Variants in NRXN3 observed in about 807,000 individuals in gnomAD.
NRXN3 encodes the protein neurexin III.
Under a neutral mutation model 137.6 loss-of-function variants are expected in NRXN3, and 32 were observed. That is an observed-to-expected ratio of 0.23 (90% confidence interval 0.18 to 0.31). NRXN3 has a LOEUF of 0.31. Ranked by LOEUF, NRXN3 falls within the 10% of genes least tolerant of loss-of-function variation. The pLI is 1.00. For synonymous variants in NRXN3, 798 were observed against 784.5 expected, an observed-to-expected ratio of 1.02 and a Z score of -0.29; for missense variants, 1,574 against 2,062.5, an observed-to-expected ratio of 0.76 and a Z score of 4.59.
chr14:79,121,329 A>T (rs137916178), intron 15 of NRXN3, among the ~76,000 whole-genome samples: 15 of 152,338 alleles, frequency 9.8e-5, no homozygotes, highest in South Asian at 4.1e-4. Flanking sequence ...GAATCAAGAA[A>T]GCCATATGCT....
At chr14:79,464,799 A>G (rs1180298252) in intron 15 of NRXN3, among the ~76,000 whole-genome samples, 10 of 152,198 alleles carry the variant, frequency 6.6e-5, no homozygotes, top group African/African-American at 2.4e-5. Context: ...AAGTGGTACT[A>G]TTTAAATCAG....
intron 4 of NRXN3, among the ~76,000 whole-genome samples, chr14:78,395,617 C>G (rs1384167750): frequency 1.3e-5 from 2 of 151,802 alleles, no homozygotes; most frequent in Non-Finnish European, 2.9e-5. Context: ...GGTGTGAAGT[C>G]TAAAACTCTA....
chr14:79,214,876 A>G (rs1232623161), intron 15 of NRXN3, among the ~76,000 whole-genome samples: 1 of 152,142 alleles, frequency 6.6e-6, no homozygotes, highest in African/African-American at 2.4e-5. Context: ...TTCCATTAAC[A>G]TTCAATCTTT....
chr14:79,344,829 T>C (rs780516247), intron 15 of NRXN3, among the ~76,000 whole-genome samples: 2 of 152,180 alleles, frequency 1.3e-5, no homozygotes, highest in Non-Finnish European at 2.9e-5. Flanking sequence ...TTTGGCAAAA[T>C]GGTGAAAGAA....
At position 79,544,724 on chromosome 14, in the gene NRXN3, G is replaced by A. The variant is rs117007167; in HGVS notation, c.3444+77322G>A. The stretch of plus-strand genomic sequence containing the variant: ...CTAGATCACTCTCCCAAGAATCATT[G>A]CTTAGATGAGTGGTTCTCAAAGTGT... On this transcript the variant is annotated intron_variant, in intron 16 of 20. Transcript: ENST00000335750. Among the ~76,000 whole-genome samples the A allele has an allele frequency of 2.0e-3, 306 of 152,320 alleles. 1 individual carries two copies. The highest frequency in any genetic ancestry group is 3.1e-3 in the Admixed American group (47 of 15,290).
intron 4 of NRXN3, among the ~76,000 whole-genome samples, chr14:78,639,016 G>A (rs1445724931): frequency 6.6e-6 from 1 of 152,186 alleles, no homozygotes; most frequent in Non-Finnish European, 1.5e-5. Flanking sequence ...GTGAGTTCAC[G>A]ACTTGAGAAC....
chr14:78,363,610 T>G (rs1433367632), intron 4 of NRXN3, among the ~76,000 whole-genome samples: 1 of 152,166 alleles, frequency 6.6e-6, no homozygotes, highest in East Asian at 1.9e-4. Flanking sequence ...CCAAACCCAT[T>G]GCAGTGCTCC....
At chr14:79,403,011 G>C (rs2095242521) in intron 15 of NRXN3, among the ~76,000 whole-genome samples, 1 of 152,142 alleles carries the variant, frequency 6.6e-6, no homozygotes, top group African/African-American at 2.4e-5. Context: ...GGGATGGTAG[G>C]GTTATCTGAA....
intron 15 of NRXN3, among the ~76,000 whole-genome samples, chr14:79,197,968 A>G (rs2065368058): frequency 1.3e-5 from 2 of 152,194 alleles, no homozygotes; most frequent in African/African-American, 4.8e-5. Flanking sequence ...CATCTTCACC[A>G]GGAGTAGATT....
At chr14:78,445,604 T>C (rs2094396555) in intron 4 of NRXN3, among the ~76,000 whole-genome samples, 1 of 152,152 alleles carries the variant, frequency 6.6e-6, no homozygotes, top group African/African-American at 2.4e-5. Context: ...GAGCACAGCT[T>C]TATTATCTTA....
At chr14:78,552,906 A>G (rs1032092628) in intron 4 of NRXN3, among the ~76,000 whole-genome samples, 4 of 152,276 alleles carry the variant, frequency 2.6e-5, no homozygotes, top group African/African-American at 9.6e-5. Context: ...TAAGTGATGG[A>G]TATCCTAAGT....
intron 11 of NRXN3, among the ~76,000 whole-genome samples, chr14:78,958,112 C>G (rs562204387): frequency 6.6e-6 from 1 of 152,188 alleles, no homozygotes; most frequent in Admixed American, 6.5e-5. Flanking sequence ...TTAAGCAGAT[C>G]AGATAGGACT....
intron 15 of NRXN3, among the ~76,000 whole-genome samples, chr14:79,461,888 C>A (rs967867630): frequency 4.6e-5 from 7 of 152,074 alleles, no homozygotes; most frequent in African/African-American, 1.7e-4. Flanking sequence ...CATACCTTAC[C>A]ATTATGAGAT....
chr14:79,073,409 AT>A (rs766598882), intron 15 of NRXN3, among the ~76,000 whole-genome samples: 14 of 152,144 alleles, frequency 9.2e-5, no homozygotes, highest in Admixed American at 2.6e-4. Flanking sequence ...TTAAAGACAA[AT>A]TGGCATTTAT....
chr14:78,708,498 A>C (rs142362835), intron 6 of NRXN3: 2 of 142,056 alleles, frequency 1.4e-5, no homozygotes, highest in Non-Finnish European at 3.0e-5. Flanking sequence ...TCTTTCAAGT[A>C]ATATATCCAC....
At chr14:78,244,530 C>T (rs1467728054) in intron 2 of NRXN3, among the ~76,000 whole-genome samples, 1 of 152,172 alleles carries the variant, frequency 6.6e-6, no homozygotes, top group Non-Finnish European at 1.5e-5. Context: ...GGAAACTCCC[C>T]ATCACTTCCT....
intron 19 of NRXN3, 76 bp from the exon 20 acceptor site, chr14:79,805,036 T>C: frequency 9.9e-7 from 1 of 1,009,922 alleles, no homozygotes; most frequent in Non-Finnish European, 1.5e-6. Context: ...CTTTGATGTC[T>C]TTGTTCATTA....
At chr14:79,571,349 T>C (rs2097599451) in intron 16 of NRXN3, among the ~76,000 whole-genome samples, 2 of 152,122 alleles carry the variant, frequency 1.3e-5, no homozygotes, top group African/African-American at 4.8e-5. Context: ...ATATCCTCAC[T>C]GAAAGATAGG....
chr14:79,121,575 C>T (rs1017535364), intron 15 of NRXN3, among the ~76,000 whole-genome samples: 40 of 152,214 alleles, frequency 2.6e-4, no homozygotes, highest in African/African-American at 8.7e-4. Flanking sequence ...TTGATTATCT[C>T]GTTTTATAAA....
Sources: gnomAD v4.1 joint callset for allele counts (sites outside exome capture counted in the v4.1 genomes callset) on GRCh38, gnomAD v4.1.1 for gene constraint, MANE v1.5 for transcripts, NCBI Gene and HGNC (gene_info 2026-07-23, HGNC 2026-07-21) for gene names.